Variants in ETV1 observed in about 807,000 individuals in gnomAD.
ETV1 encodes the protein ETS translocation variant 1.
Under a neutral mutation model 62.3 loss-of-function variants are expected in ETV1, and 27 were observed. The observed-to-expected ratio is 0.43, with a 90% CI of 0.32 to 0.60. ETV1 has a LOEUF of 0.60. Among genes scored for constraint, ETV1 ranks in the 20% least tolerant of loss-of-function variants. The pLI, the probability that ETV1 is intolerant of heterozygous loss-of-function variation, is 0.06. For synonymous variants in ETV1, 222 were observed against 199.6 expected (o/e 1.11, Z -0.94); for missense variants, 605 against 605.8 (o/e 1.00, Z 0.01).
At chr7:13,984,475 C>CA (rs978458853) in intron 5 of ETV1, among the ~76,000 whole-genome samples, 2 of 149,584 alleles carry the variant, frequency 1.3e-5, no homozygotes, top group South Asian at 2.1e-4. Flanking sequence ...TTTCTCAAAA[C>CA]AAAAAAAAAG....
At chr7:13,916,505 G>A (rs1008866713) in intron 9 of ETV1, among the ~76,000 whole-genome samples, 22 of 151,852 alleles carry the variant, frequency 1.4e-4, no homozygotes, top group Admixed American at 1.4e-3. Flanking sequence ...GGGCATGGTG[G>A]CGCGTGCCTG....
chr7:13,903,657 G>T (rs895214272), intron 12 of ETV1, among the ~76,000 whole-genome samples: 12 of 151,594 alleles, frequency 7.9e-5, no homozygotes, highest in Admixed American at 2.6e-4. Context: ...CAGCTACTGG[G>T]GAGGCTGAGG....
rs1131845 is a variant in ETV1 at position 13,939,132 on chromosome 7, C to A, written c.350G>T (p.Cys117Phe). 6.2e-7 allele frequency: 1 copy of A among 1,612,998 alleles called. No homozygotes were observed. Among genetic ancestry groups the A allele is most frequent in the Non-Finnish European group, 8.5e-7 (1 of 1,179,580 alleles). Residue 117 changes from cysteine (C) to phenylalanine (F), a missense_variant, in exon 7 of 14, where the codon TGC becomes TTC. Physicochemically the swap from Cys to Phe is radical, Grantham distance 205. Around this residue, in one of 3 missense-constraint regions of ETV1, gnomAD observed 426 missense variants for 377.8 expected, o/e 1.13. Transcript: ENST00000430479. ...GTGGCTTTACCTGACATTGTACAGG[C>A]ACTTTTCTCCATAGCTGAATTTAAA... is the stretch of plus-strand genomic sequence containing the variant. ...QPFKFSYGEK[C>F]LYNVSAYDQK...
chr7:13,910,806 A>G (rs925736086), intron 10 of ETV1, among the ~76,000 whole-genome samples: 6 of 152,212 alleles, frequency 3.9e-5, no homozygotes, highest in African/African-American at 1.4e-4. Context: ...CATTCATATA[A>G]ATTATTTGTC....
intron 7 of ETV1, among the ~76,000 whole-genome samples, chr7:13,937,587 A>C (rs780927345): frequency 3.9e-5 from 6 of 152,246 alleles, no homozygotes; most frequent in Non-Finnish European, 8.8e-5. Context: ...AATTCTGATT[A>C]ATGCTGAAAG....
intron 9 of ETV1, among the ~76,000 whole-genome samples, chr7:13,919,291 A>G (rs1432531920): frequency 6.6e-6 from 1 of 152,114 alleles, no homozygotes; most frequent in Non-Finnish European, 1.5e-5. Context: ...AGGATTTACT[A>G]TAATATTTCC....
At chr7:13,937,515 C>G (rs1050279045) in intron 7 of ETV1, among the ~76,000 whole-genome samples, 1 of 152,156 alleles carries the variant, frequency 6.6e-6, no homozygotes, top group African/African-American at 2.4e-5. Flanking sequence ...CAGGCAATTC[C>G]TTTATTATTG....
chr7:13,914,133 C>T (rs1783877599), intron 9 of ETV1, among the ~76,000 whole-genome samples: 1 of 151,712 alleles, frequency 6.6e-6, no homozygotes, highest in African/African-American at 2.4e-5. Context: ...AATCCACCCG[C>T]CTCGGCCTCC....
At chr7:13,947,238 T>C (rs1029889195) in intron 6 of ETV1, among the ~76,000 whole-genome samples, 3 of 152,208 alleles carry the variant, frequency 2.0e-5, no homozygotes, top group Non-Finnish European at 2.9e-5. Flanking sequence ...GAATGATGTA[T>C]GTTTTTGTTT....
Position 13,895,845 on chromosome 7 carries a change from C to A in ETV1, c.*21G>T, listed in dbSNP as rs746309721. The A allele has an allele frequency of 1.3e-6, 2 of 1,583,134 alleles. No homozygotes were observed. The highest frequency in any genetic ancestry group is 1.9e-4 in the Middle Eastern group (1 of 5,208). On this transcript the variant is annotated 3_prime_UTR_variant, in exon 14 of 14. Transcript: ENST00000430479. The stretch of plus-strand genomic sequence containing the variant: ...GAAAAAAGGAAAAGCGCAAAAACGC[C>A]CTGCTTGACTGTCACTTGTGTTAAT...
intron 6 of ETV1, among the ~76,000 whole-genome samples, chr7:13,957,098 T>G (rs896071956): frequency 1.3e-5 from 2 of 152,062 alleles, no homozygotes; most frequent in Non-Finnish European, 1.5e-5. Context: ...TATTTTTATT[T>G]TTTTTGAGAA....
chr7:13,974,083 AAATAT>A (rs1338001180), intron 6 of ETV1, among the ~76,000 whole-genome samples: 4 of 152,204 alleles, frequency 2.6e-5, no homozygotes, highest in Admixed American at 1.3e-4. Flanking sequence ...ATAATACAAT[AAATAT>A]AATATACAAG....
At chr7:13,939,484 T>A (rs571860819) in intron 6 of ETV1, among the ~76,000 whole-genome samples, 158 of 152,338 alleles carry the variant, frequency 1.0e-3, no homozygotes, top group Non-Finnish European at 1.9e-3. Flanking sequence ...ATTACTTAAG[T>A]GAATCACTTG....
At chr7:13,966,679 C>G (rs1490098501) in intron 6 of ETV1, among the ~76,000 whole-genome samples, 3 of 151,900 alleles carry the variant, frequency 2.0e-5, no homozygotes, top group Admixed American at 2.0e-4. Context: ...ACAAAAAAAC[C>G]TAAAATTACA....
intron 12 of ETV1, among the ~76,000 whole-genome samples, chr7:13,901,369 AC>A (rs1211393636): frequency 6.6e-6 from 1 of 152,198 alleles, no homozygotes; most frequent in African/African-American, 2.4e-5. Context: ...ATTATTTGTC[AC>A]TATTGTTTTG....
chr7:13,902,438 C>T (rs1321183833), intron 12 of ETV1, among the ~76,000 whole-genome samples: 1 of 151,362 alleles, frequency 6.6e-6, no homozygotes, highest in East Asian at 2.0e-4. Context: ...CAGACAATCA[C>T]AGTGGCAGGA....
At chr7:13,906,376 T>C in intron 12 of ETV1, 54 bp downstream of exon 12, 1 of 1,203,564 alleles carries the variant, frequency 8.3e-7, no homozygotes, top group Admixed American at 3.4e-5. Flanking sequence ...AATGTGTCAG[T>C]TTCTTTATGT....
chr7:13,971,344 C>T (rs540913742), intron 6 of ETV1, among the ~76,000 whole-genome samples: 2 of 152,310 alleles, frequency 1.3e-5, no homozygotes, highest in South Asian at 2.1e-4. Flanking sequence ...CTTAAAGTGC[C>T]ATCCATGTAA....
intron 9 of ETV1, among the ~76,000 whole-genome samples, chr7:13,914,604 C>T (rs890011947): frequency 1.7e-4 from 24 of 142,256 alleles, no homozygotes; most frequent in Non-Finnish European, 2.6e-4. Flanking sequence ...AATTAAAATA[C>T]GCAGACAAGA....
Sources: gnomAD v4.1 joint callset for allele counts (sites outside exome capture counted in the v4.1 genomes callset) on GRCh38, gnomAD v4.1.1 for gene constraint, gnomAD v4.1.1 regional missense constraint, MANE v1.5 for transcripts, NCBI Gene and HGNC (gene_info 2026-07-23, HGNC 2026-07-21) for gene names.